DIP2A: variants seen among roughly 807,000 people sequenced by gnomAD.
The protein encoded by DIP2A is DIP2 acetate--CoA ligase A.
A neutral mutation model predicts 177.4 loss-of-function variants in DIP2A; 85 were observed. That is an observed-to-expected ratio of 0.48 (90% CI 0.40 to 0.57). The LOEUF (loss-of-function observed/expected upper bound fraction) is 0.57. Among genes scored for constraint, DIP2A ranks in the 20% least tolerant of loss-of-function variants. The pLI is 0.00. For synonymous variants in DIP2A, 886 were observed against 881.8 expected (o/e 1.00, Z -0.08); for missense variants, 1,791 against 2,100.2 (o/e 0.85, Z 2.88).
At chr21:46,535,443 G>A (rs1344590108) in intron 13 of DIP2A, among the ~76,000 whole-genome samples, 3 of 152,174 alleles carry the variant, frequency 2.0e-5, no homozygotes, top group African/African-American at 7.2e-5. Context: ...GTTCAGGCCA[G>A]GTGCAGTGGT....
At chr21:46,545,361 A>C in intron 19 of DIP2A, 88 bp downstream of exon 19, 1 of 1,471,146 alleles carries the variant, frequency 6.8e-7, no homozygotes, top group Non-Finnish European at 9.2e-7. Context: ...GGGGGATTGC[A>C]GAGGCTGCGG....
intron 8 of DIP2A, among the ~76,000 whole-genome samples, chr21:46,522,912 T>C (rs1369505784): frequency 6.6e-6 from 1 of 152,098 alleles, no homozygotes; most frequent in Non-Finnish European, 1.5e-5. Flanking sequence ...CTCTTTTATT[T>C]TTTTAATTAA....
intron 36 of DIP2A, among the ~76,000 whole-genome samples, chr21:46,566,203 A>G (rs540254590): frequency 9.2e-5 from 14 of 152,206 alleles, no homozygotes; most frequent in Admixed American, 5.9e-4. Context: ...CCCATGCACA[A>G]CCCATTTAAG....
intron 1 of DIP2A, chr21:46,463,055 T>A (rs1285525206): frequency 6.6e-6 from 1 of 152,210 alleles, no homozygotes; most frequent in Non-Finnish European, 1.5e-5. Context: ...TGTTTTGCCC[T>A]CTTGACTTAG....
chr21:46,488,794 A>C (rs1297091865), intron 2 of DIP2A, among the ~76,000 whole-genome samples: 1 of 152,222 alleles, frequency 6.6e-6, no homozygotes, highest in Non-Finnish European at 1.5e-5. Context: ...TTAAGTTAAA[A>C]ATATATCTAC....
intron 18 of DIP2A, among the ~76,000 whole-genome samples, chr21:46,543,971 G>T (rs2059928740): frequency 6.6e-6 from 1 of 152,158 alleles, no homozygotes; most frequent in Non-Finnish European, 1.5e-5. Context: ...TTGGAGATGA[G>T]AATATATTAG....
chr21:46,552,256 A>G (rs2060302198), intron 25 of DIP2A, among the ~76,000 whole-genome samples: 1 of 152,230 alleles, frequency 6.6e-6, no homozygotes, highest in Admixed American at 6.5e-5. Flanking sequence ...TTGTGAGCTA[A>G]AAGGAAATGT....
At chr21:46,514,635 T>TTTTG (rs2058479531) in intron 8 of DIP2A, among the ~76,000 whole-genome samples, 1 of 137,622 alleles carries the variant, frequency 7.3e-6, no homozygotes, top group Non-Finnish European at 1.6e-5. Flanking sequence ...TTTTTTTTTT[T>TTTTG]TTTTTGGTTT....
chr21:46,582,586 A>G, the DIP2A span, among the ~76,000 whole-genome samples: 3,800 of 152,200 alleles, frequency 0.025, 145 homozygotes, highest in African/African-American at 0.087. Flanking sequence ...GGTGCTCCTG[A>G]GTGGTCCATC....
At chr21:46,559,346 C>T (rs547051218) in intron 32 of DIP2A, among the ~76,000 whole-genome samples, 2 of 152,332 alleles carry the variant, frequency 1.3e-5, no homozygotes, top group South Asian at 2.1e-4. Context: ...GGCACCTGTC[C>T]GTGCCAGAGC....
chr21:46,534,493 ACTT>A (rs1203579033), intron 12 of DIP2A, 89 bp from the exon 13 acceptor site: 9 of 1,247,452 alleles, frequency 7.2e-6, no homozygotes, highest in African/African-American at 1.5e-5. Context: ...GACACTGACC[ACTT>A]CTTCTTTTGA....
chr21:46,530,198 A>G lies in DIP2A; in HGVS notation c.1194+1015A>G, dbSNP rs1368034391. Among the ~76,000 whole-genome samples, 11 of 152,332 alleles carry G rather than the reference A, an allele frequency of 7.2e-5. No individual in the cohort carries two copies. The East Asian group carries it at 2.1e-3, about 29-fold the overall frequency. ...TGGAAAATAGGAGAACATGGTGAAA[A>G]TCAACATACCAGTGAAATCCCCTAG... On this transcript the variant is annotated intron_variant, in intron 9 of 37. Coordinates refer to ENST00000417564, the MANE Select transcript of DIP2A (RefSeq NM_015151.4).
chr21:46,550,922 C>G (rs368229207), intron 23 of DIP2A, among the ~76,000 whole-genome samples, 178 bp downstream of exon 23: 192 of 152,334 alleles, frequency 1.3e-3, no homozygotes, highest in African/African-American at 4.5e-3. Context: ...CTTCCTGGAA[C>G]CAGCCACGCA....
At chr21:46,552,422 AG>A (rs2060305993) in intron 25 of DIP2A, among the ~76,000 whole-genome samples, 2 of 152,328 alleles carry the variant, frequency 1.3e-5, no homozygotes, top group East Asian at 3.9e-4. Context: ...AGGAACATTC[AG>A]GATGTCAAGA....
intron 9 of DIP2A, among the ~76,000 whole-genome samples, 167 bp downstream of exon 9, chr21:46,529,350 A>G (rs1043123739): frequency 1.3e-5 from 2 of 152,210 alleles, no homozygotes; most frequent in African/African-American, 4.8e-5. Flanking sequence ...CTGTAATCCT[A>G]GCACTTTGGG....
intron 5 of DIP2A, among the ~76,000 whole-genome samples, chr21:46,501,368 T>G (rs912319769): frequency 6.6e-6 from 1 of 152,170 alleles, no homozygotes; most frequent in African/African-American, 2.4e-5. Context: ...TTAATTATAG[T>G]AGCTTATTTT....
At position 46,557,551 on chromosome 21, in the gene DIP2A, G is replaced by A. The variant is rs1601838416; in HGVS notation, c.3630-34G>A. ...GTGGAGTGCCCAGGGTGCTGGGTGG[G>A]CGGGCGGAGCCTCACGAGCCTTCCC... On this transcript the variant is annotated intron_variant, in intron 30 of 37. Transcript: ENST00000417564. This position sits in a 1 kb window ranked among gnomAD's most constrained non-coding sequence, Gnocchi z 6.0. 6.3e-7 allele frequency: 1 copy of A among 1,584,562 alleles called. No homozygotes were observed. The highest frequency in any genetic ancestry group is 8.6e-7 in the Non-Finnish European group (1 of 1,160,446).
chr21:46,577,305 G>A, the DIP2A span, among the ~76,000 whole-genome samples: 5 of 152,112 alleles, frequency 3.3e-5, no homozygotes, highest in African/African-American at 1.2e-4. Context: ...GTTAATTTTT[G>A]TATAAGGTGT....
intron 1 of DIP2A, among the ~76,000 whole-genome samples, chr21:46,479,603 G>A (rs150438034): frequency 5.3e-5 from 8 of 152,064 alleles, no homozygotes; most frequent in African/African-American, 1.7e-4. Flanking sequence ...ATAGCTCACC[G>A]CAGCCTCGAA....
Sources: gnomAD v4.1 joint callset for allele counts (sites outside exome capture counted in the v4.1 genomes callset) on GRCh38, gnomAD v4.1.1 for gene constraint, Gnocchi (gnomAD v3.1) non-coding constraint, MANE v1.5 for transcripts, NCBI Gene and HGNC (gene_info 2026-07-23, HGNC 2026-07-21) for gene names.